The following NEGR1 variants were observed in gnomAD, a reference collection of about 807,000 sequenced individuals.
NEGR1 encodes the protein IgLON family member 4.
In NEGR1, 10 loss-of-function variants were observed where a neutral mutation model predicts 40.9. That is an observed-to-expected ratio of 0.24 (90% CI 0.15 to 0.42). NEGR1 has a LOEUF of 0.42. Ranked by LOEUF, NEGR1 falls within the 10% of genes least tolerant of loss-of-function variation. The probability of loss-of-function intolerance (pLI) is 1.00; values close to 1 mark genes in which losing one functional copy is unlikely to be tolerated. For synonymous variants in NEGR1, 185 were observed against 166.8 expected (o/e 1.11, Z -0.84); for missense variants, 352 against 438.9 (o/e 0.80, Z 1.77).
At chr1:72,184,379 G>C (rs1009570897) in intron 1 of NEGR1, among the ~76,000 whole-genome samples, 1 of 152,048 alleles carries the variant, frequency 6.6e-6, no homozygotes, top group African/African-American at 2.4e-5. Context: ...AAATAAGGTA[G>C]CTAGAGAGAA....
chr1:71,645,806 G>C (rs1055739342), intron 4 of NEGR1, among the ~76,000 whole-genome samples: 13 of 151,716 alleles, frequency 8.6e-5, no homozygotes, highest in African/African-American at 3.1e-4. Context: ...TTTCAATCAG[G>C]GTTAATCAGC....
rs180713517 is a variant in NEGR1, at chr1:71,930,348, A to G, written c.409+4731T>C. Among the ~76,000 whole-genome samples, 935 of 152,324 alleles carry G rather than the reference A, an allele frequency of 6.1e-3. 5 individuals are homozygous for G. The highest frequency in any genetic ancestry group is 9.8e-3 in the Non-Finnish European group (664 of 68,034). On this transcript the variant is annotated intron_variant, in intron 2 of 6. Transcript: ENST00000357731. ...TACTGAGAAAAGTAAGTTTTAACCTATGAACTATGAAATGAATAACTGATT... is the reference window on the plus strand; with the variant it reads ...TACTGAGAAAAGTAAGTTTTAACCTGTGAACTATGAAATGAATAACTGATT...
intron 2 of NEGR1, 37 bp from the exon 3 acceptor site, chr1:71,776,334 A>T: frequency 7.1e-7 from 1 of 1,402,128 alleles, no homozygotes. Flanking sequence ...AGAAAAAAAT[A>T]TATAAAGTTT....
At chr1:71,660,708 A>C (rs115137461) in intron 4 of NEGR1, among the ~76,000 whole-genome samples, 1,866 of 152,184 alleles carry the variant, frequency 0.012, 26 homozygotes, top group African/African-American at 0.037. Flanking sequence ...TCTTCTTATT[A>C]TTATTATTAA....
chr1:72,089,572 T>C lies in NEGR1; in HGVS notation c.177-154261A>G, dbSNP rs1164737171. Reference sequence around the variant, plus strand: ...GTTAATTTTTAAATTTGTAAAATAATAGCATTTATTCTTTTAGGAAATATG... The same window carrying C: ...GTTAATTTTTAAATTTGTAAAATAACAGCATTTATTCTTTTAGGAAATATG... On this transcript the variant is annotated intron_variant, in intron 1 of 6. Coordinates refer to ENST00000357731, the MANE Select transcript of NEGR1 (RefSeq NM_173808.3). Among the ~76,000 whole-genome samples the C allele has an allele frequency of 2.6e-5, 4 of 152,328 alleles. No individual in the cohort carries two copies. The East Asian group carries it at 5.8e-4, about 22-fold the overall frequency.
At chr1:72,123,716 A>G (rs1325826967) in intron 1 of NEGR1, among the ~76,000 whole-genome samples, 1 of 152,016 alleles carries the variant, frequency 6.6e-6, no homozygotes. Context: ...TGAACAAATC[A>G]TTATCAAAAA....
chr1:71,851,713 C>A (rs1253744368), intron 2 of NEGR1, among the ~76,000 whole-genome samples: 1 of 151,980 alleles, frequency 6.6e-6, no homozygotes, highest in Non-Finnish European at 1.5e-5. Flanking sequence ...GAAACTGTAG[C>A]ATTTGAGTGG....
chr1:72,195,482 ATAATG>A (rs1355832920), intron 1 of NEGR1, among the ~76,000 whole-genome samples: 1 of 152,056 alleles, frequency 6.6e-6, no homozygotes, highest in Non-Finnish European at 1.5e-5. Context: ...TTCTTATTAC[ATAATG>A]TAATGTCTTC....
At chr1:72,019,298 G>C (rs1374862211) in intron 1 of NEGR1, among the ~76,000 whole-genome samples, 1 of 152,078 alleles carries the variant, frequency 6.6e-6, no homozygotes, top group Non-Finnish European at 1.5e-5. Flanking sequence ...TGTATATATA[G>C]TGTTAATCAT....
chr1:71,585,637 A>G (rs908488743), intron 6 of NEGR1, among the ~76,000 whole-genome samples: 4 of 151,228 alleles, frequency 2.6e-5, no homozygotes, highest in African/African-American at 9.7e-5. Context: ...AATTGCCTCA[A>G]TCTGGGAGAA....
At chr1:72,099,948 C>G (rs1334120077) in intron 1 of NEGR1, among the ~76,000 whole-genome samples, 3 of 151,678 alleles carry the variant, frequency 2.0e-5, no homozygotes, top group Non-Finnish European at 2.9e-5. Context: ...TCTTAAGTGG[C>G]AAACATTCTT....
At chr1:72,220,993 T>C (rs1653995321) in intron 1 of NEGR1, among the ~76,000 whole-genome samples, 2 of 151,352 alleles carry the variant, frequency 1.3e-5, no homozygotes, top group African/African-American at 4.8e-5. Flanking sequence ...ATAATCTAGG[T>C]GGCTTAAAAC....
chr1:72,191,251 G>A (rs1361402631), intron 1 of NEGR1, among the ~76,000 whole-genome samples: 1 of 151,708 alleles, frequency 6.6e-6, no homozygotes, highest in African/African-American at 2.4e-5. Flanking sequence ...TACATATCAT[G>A]AGAGTGTGGA....
At chr1:71,760,531 T>C (rs10158956) in intron 3 of NEGR1, among the ~76,000 whole-genome samples, 2 of 152,208 alleles carry the variant, frequency 1.3e-5, no homozygotes, top group African/African-American at 4.8e-5. Flanking sequence ...GCCATCATTA[T>C]GTAGATTCAT....
intron 2 of NEGR1, among the ~76,000 whole-genome samples, chr1:71,922,481 G>T (rs779864440): frequency 1.3e-5 from 2 of 152,086 alleles, no homozygotes; most frequent in Non-Finnish European, 2.9e-5. Flanking sequence ...AAAAATATAC[G>T]ATTATTTTCA....
At chr1:72,263,515 T>C (rs1440790881) in intron 1 of NEGR1, among the ~76,000 whole-genome samples, 1 of 151,690 alleles carries the variant, frequency 6.6e-6, no homozygotes, top group East Asian at 1.9e-4. Flanking sequence ...TGAAATTACC[T>C]ATGCAAGTTG....
At chr1:72,080,502 A>T (rs2100527169) in intron 1 of NEGR1, among the ~76,000 whole-genome samples, 1 of 152,258 alleles carries the variant, frequency 6.6e-6, no homozygotes, top group African/African-American at 2.4e-5. Flanking sequence ...GTTGATAAGA[A>T]TTTCATATTT....
At chr1:72,137,882 T>TAC (rs1419109362) in intron 1 of NEGR1, among the ~76,000 whole-genome samples, 1 of 152,122 alleles carries the variant, frequency 6.6e-6, no homozygotes, top group African/African-American at 2.4e-5. Flanking sequence ...CAAAACTATG[T>TAC]AAGGCAGAAG....
At chr1:71,801,576 A>C (rs1353099430) in intron 2 of NEGR1, among the ~76,000 whole-genome samples, 1 of 152,112 alleles carries the variant, frequency 6.6e-6, no homozygotes, top group African/African-American at 2.4e-5. Flanking sequence ...AATTTGCTCA[A>C]ACCAAAATCC....
Sources: gnomAD v4.1 joint callset for allele counts (sites outside exome capture counted in the v4.1 genomes callset) on GRCh38, gnomAD v4.1.1 for gene constraint, MANE v1.5 for transcripts, NCBI Gene and HGNC (gene_info 2026-07-23, HGNC 2026-07-21) for gene names.